The following HMCN1 variants were observed in gnomAD, a reference collection of about 807,000 sequenced individuals.
HMCN1 encodes the protein hemicentin-1.
In HMCN1, 321 loss-of-function variants were observed where a neutral mutation model predicts 625.9. That is an observed-to-expected ratio of 0.51 (90% confidence interval 0.47 to 0.56). The LOEUF (loss-of-function observed/expected upper bound fraction) is 0.56. Among genes scored for constraint, HMCN1 ranks in the 20% least tolerant of loss-of-function variants. The pLI is 0.00. For synonymous variants in HMCN1, 2,425 were observed against 2,417.6 expected (o/e 1.00, Z -0.09); for missense variants, 6,588 against 6,887.3 (o/e 0.96, Z 1.54).
intron 6 of HMCN1, among the ~76,000 whole-genome samples, chr1:185,914,077 T>C (rs1209666880): frequency 6.6e-6 from 1 of 152,110 alleles, no homozygotes; most frequent in African/African-American, 2.4e-5. Flanking sequence ...TTACAGCATT[T>C]CTAGTGTAGG....
chr1:186,159,784 TG>T (rs1651309000), intron 97 of HMCN1, among the ~76,000 whole-genome samples: 1 of 152,218 alleles, frequency 6.6e-6, no homozygotes, highest in Non-Finnish European at 1.5e-5. Flanking sequence ...TTGATCATGG[TG>T]GATAAGCTTT....
intron 1 of HMCN1, among the ~76,000 whole-genome samples, chr1:185,766,557 T>C (rs1655886457): frequency 1.3e-5 from 2 of 152,014 alleles, no homozygotes; most frequent in Admixed American, 1.3e-4. Context: ...TCAAACCAAA[T>C]GAAATAAACA....
chr1:185,747,108 AAAAACC>A (rs1195675737), intron 1 of HMCN1, among the ~76,000 whole-genome samples: 2 of 152,198 alleles, frequency 1.3e-5, no homozygotes, highest in Admixed American at 1.3e-4. Context: ...ATTAACATTA[AAAAACC>A]AAAACTCTAA....
intron 43 of HMCN1, among the ~76,000 whole-genome samples, chr1:186,053,487 T>G (rs544441850): frequency 6.6e-6 from 1 of 152,032 alleles, no homozygotes; most frequent in Non-Finnish European, 1.5e-5. Flanking sequence ...CCTGCACTTG[T>G]GCCTCCTGAA....
chr1:186,023,139 A>G lies in HMCN1; in HGVS notation c.5735A>G (p.Gln1912Arg), dbSNP rs762251634. The G allele has an allele frequency of 6.2e-7, 1 of 1,613,158 alleles. No homozygotes were observed. Among genetic ancestry groups the G allele is most frequent in the East Asian group, 2.2e-5 (1 of 44,790 alleles). ...GCTGGAGAAACACAACAGCACATTC[A>G]ACTGCATGTTCATGGTAATGTAATT... Reference protein sequence around the residue: ...NAAGETQQHIQLHVHEPPSLE... With the variant: ...NAAGETQQHIRLHVHEPPSLE... The change falls in exon 36 of 107, where the codon CAA becomes CGA. Residue 1912 changes from glutamine to arginine, a missense_variant. Coordinates refer to ENST00000271588, the MANE Select transcript of HMCN1 (RefSeq NM_031935.3).
At position 186,054,030 on chromosome 1, in the gene HMCN1, A is replaced by G. The variant is rs111497885; in HGVS notation, c.6862+44A>G. On this transcript the variant is annotated intron_variant, in intron 44 of 106. Transcript: ENST00000271588. ...AGGCTTTGGCAAAATGTTCTCTTAA[A>G]TCTTTTCATCCTTCTCATTTACTTT... 2.0e-4 allele frequency: 311 copies of G among 1,565,570 alleles called. No individual in the cohort carries two copies. In the African/African-American group the frequency reaches 3.7e-3, roughly 19 times the overall value.
At chr1:186,110,768 G>T (rs1189330198) in intron 71 of HMCN1, among the ~76,000 whole-genome samples, 1 of 151,956 alleles carries the variant, frequency 6.6e-6, no homozygotes, top group African/African-American at 2.4e-5. Flanking sequence ...GTCCAGAAGG[G>T]TCATCCATTT....
At position 186,189,913 on chromosome 1, in the gene HMCN1, C is replaced by A. The variant is rs778979608; in HGVS notation, c.*35C>A. 2.5e-6 allele frequency: 4 copies of A among 1,609,266 alleles called. No individual in the cohort carries two copies. Among genetic ancestry groups the A allele is most frequent in the Admixed American group, 3.3e-5 (2 of 59,986 alleles). The stretch of plus-strand genomic sequence containing the variant: ...CAAAGCCTATTCCACATATTTAAAC[C>A]GCATTAATCATGGCAATCAAGCCCC... On this transcript the variant is annotated 3_prime_UTR_variant, in exon 107 of 107. Transcript: ENST00000271588.
intron 1 of HMCN1, among the ~76,000 whole-genome samples, chr1:185,803,941 G>A (rs1186417528): frequency 6.6e-6 from 1 of 151,796 alleles, no homozygotes. Flanking sequence ...ACATCTTCTT[G>A]GATCCTCTAG....
At chr1:186,034,807 GA>G (rs1234388550) in intron 36 of HMCN1, among the ~76,000 whole-genome samples, 1 of 152,124 alleles carries the variant, frequency 6.6e-6, no homozygotes, top group Non-Finnish European at 1.5e-5. Context: ...CCCAAGTTCT[GA>G]AAAGGTTGAT....
At position 186,081,285 on chromosome 1, in the gene HMCN1, A is replaced by G. The variant is rs10798035; in HGVS notation, c.8678A>G (p.Glu2893Gly). ...TVLVNKSALI[E>G]CLSSGSPAPR... ...CTGGTGAACAAGAGTGCACTGATAG[A>G]GTGTTTATCCAGTGGCAGCCCAGCA... Residue 2893 changes from glutamate to glycine, a missense_variant, in exon 56 of 107, where the codon GAG becomes GGG. Around this residue, in one of 3 missense-constraint regions of HMCN1, gnomAD observed 4,628 missense variants for 4,853.1 expected, o/e 0.95. Transcript: ENST00000271588. The G allele has an allele frequency of 0.52, 831,610 of 1,612,182 alleles. 217,202 individuals carry two copies. The highest frequency in any genetic ancestry group is 0.67 in the African/African-American group (50,077 of 74,872).
chr1:186,110,998 T>TTTTTTTTTTTTTTTTTTTTTTTTA (rs1428925478), intron 71 of HMCN1, among the ~76,000 whole-genome samples: 2 of 134,844 alleles, frequency 1.5e-5, no homozygotes, highest in East Asian at 2.1e-4. Context: ...TTTTTTTTTT[T>TTTTTTTTTTTTTTTTTTTTTTTTA]GAGACGGAGT....
At chr1:185,935,855 A>T (rs999392181) in intron 11 of HMCN1, among the ~76,000 whole-genome samples, 1 of 152,186 alleles carries the variant, frequency 6.6e-6, no homozygotes, top group African/African-American at 2.4e-5. Flanking sequence ...AGCTATGGGT[A>T]TTTGATGAAG....
intron 1 of HMCN1, among the ~76,000 whole-genome samples, chr1:185,786,837 A>G (rs1024721286): frequency 2.6e-5 from 4 of 152,138 alleles, no homozygotes; most frequent in African/African-American, 7.2e-5. Flanking sequence ...TAGTGTCATC[A>G]TATCGTATAC....
At chr1:186,132,246 A>ATAAAC in intron 85 of HMCN1, 82 bp from the exon 86 acceptor site, 3 of 948,510 alleles carry the variant, frequency 3.2e-6, no homozygotes, top group Non-Finnish European at 3.4e-6. Flanking sequence ...GAAATTTCAA[A>ATAAAC]TAAACTAGCA....
intron 58 of HMCN1, 138 bp downstream of exon 58, chr1:186,086,545 T>C (rs1659482745): frequency 9.4e-6 from 8 of 849,262 alleles, no homozygotes; most frequent in East Asian, 5.3e-5. Flanking sequence ...TCTTTGCCCA[T>C]TTGTGGTCAT....
chr1:185,761,513 C>A (rs1655504903), intron 1 of HMCN1, among the ~76,000 whole-genome samples: 1 of 152,152 alleles, frequency 6.6e-6, no homozygotes, highest in Admixed American at 6.6e-5. Context: ...AACTCATTCA[C>A]TTTTCATTTT....
intron 1 of HMCN1, among the ~76,000 whole-genome samples, chr1:185,759,609 T>G (rs138070659): frequency 6.6e-6 from 1 of 152,242 alleles, no homozygotes; most frequent in Admixed American, 6.5e-5. Context: ...TAAATTTAAA[T>G]TCACTAACTT....
chr1:186,151,354 G>C lies in HMCN1; in HGVS notation c.14758+5G>C. The stretch of plus-strand genomic sequence containing the variant: ...CCAATGTACCTCGTAGTCTTGGTAA[G>C]TCTTTGCCTCAAGCCTCTTTTTAAA... On this transcript the variant is annotated splice_donor_5th_base_variant and intron_variant, in intron 94 of 106. Coordinates refer to ENST00000271588, the MANE Select transcript of HMCN1 (RefSeq NM_031935.3). The C allele has an allele frequency of 6.2e-7, 1 of 1,612,262 alleles. No homozygotes were observed. Among genetic ancestry groups the C allele is most frequent in the Non-Finnish European group, 8.5e-7 (1 of 1,178,694 alleles).
Sources: gnomAD v4.1 joint callset for allele counts (sites outside exome capture counted in the v4.1 genomes callset) on GRCh38, gnomAD v4.1.1 for gene constraint, gnomAD v4.1.1 regional missense constraint, MANE v1.5 for transcripts, NCBI Gene and HGNC (gene_info 2026-07-23, HGNC 2026-07-21) for gene names.